Variants in LINGO2 observed in about 807,000 individuals in gnomAD.
The protein encoded by LINGO2 is leucine rich repeat and Ig domain containing 2.
LINGO2 carries 14 observed loss-of-function variants against 30.6 expected under a neutral mutation model. That is an observed-to-expected ratio of 0.46 (90% CI 0.30 to 0.72). The LOEUF is 0.72. Ranked by LOEUF, LINGO2 falls within the 30% of genes least tolerant of loss-of-function variation. LINGO2 has a pLI of 0.07. For missense variants in LINGO2, 729 were observed against 751.7 expected, an observed-to-expected ratio of 0.97 and a Z score of 0.35; for synonymous variants, 317 against 288.5, an observed-to-expected ratio of 1.10 and a Z score of -1.00.
chr9:28,278,353 G>T (rs1823203329), intron 4 of LINGO2, among the ~76,000 whole-genome samples: 1 of 152,174 alleles, frequency 6.6e-6, no homozygotes, highest in Admixed American at 6.5e-5. Context: ...CAATTTAGAT[G>T]AAATGGCCTT....
At chr9:28,312,236 A>G (rs185502587) in intron 3 of LINGO2, among the ~76,000 whole-genome samples, 24 of 151,652 alleles carry the variant, frequency 1.6e-4, no homozygotes, top group African/African-American at 5.1e-4. Context: ...AGAATATTTC[A>G]AATGGCCAGC....
At chr9:28,362,773 A>T (rs1820503360) in intron 3 of LINGO2, among the ~76,000 whole-genome samples, 1 of 152,140 alleles carries the variant, frequency 6.6e-6, no homozygotes, top group Admixed American at 6.6e-5. Context: ...CCGACCCAGA[A>T]AAGTTATTTG....
chr9:28,859,483 T>C, the LINGO2 span, among the ~76,000 whole-genome samples: 1 of 152,212 alleles, frequency 6.6e-6, no homozygotes, highest in Non-Finnish European at 1.5e-5. Flanking sequence ...AGATTCCTCA[T>C]AGACAAAATA....
chr9:28,581,915 T>C (rs2135657377), intron 1 of LINGO2, among the ~76,000 whole-genome samples: 1 of 152,138 alleles, frequency 6.6e-6, no homozygotes, highest in Admixed American at 6.6e-5. Context: ...ATTTTATTTT[T>C]TATTAATGTT....
At chr9:28,278,675 T>A (rs1192064748) in intron 4 of LINGO2, among the ~76,000 whole-genome samples, 1 of 152,204 alleles carries the variant, frequency 6.6e-6, no homozygotes, top group Admixed American at 6.5e-5. Flanking sequence ...AAAATATTAC[T>A]GTTCAGTGGC....
chr9:28,852,941 A>C, the LINGO2 span, among the ~76,000 whole-genome samples: 10 of 152,044 alleles, frequency 6.6e-5, no homozygotes, highest in Admixed American at 5.3e-4. Flanking sequence ...AAATATGTGC[A>C]TAATTACATG....
At chr9:28,187,697 C>T (rs1032339150) in intron 4 of LINGO2, among the ~76,000 whole-genome samples, 11 of 152,084 alleles carry the variant, frequency 7.2e-5, no homozygotes, top group Non-Finnish European at 1.5e-4. Context: ...CAGACATAAA[C>T]ATTTAAACTT....
chr9:28,036,728 T>C (rs1199678910), intron 4 of LINGO2, among the ~76,000 whole-genome samples: 4 of 152,152 alleles, frequency 2.6e-5, no homozygotes, highest in African/African-American at 9.7e-5. Context: ...GCTAGTCAAA[T>C]ATCTAAAATG....
At chr9:28,360,696 T>C (rs1198833648) in intron 3 of LINGO2, among the ~76,000 whole-genome samples, 3 of 152,144 alleles carry the variant, frequency 2.0e-5, no homozygotes. Flanking sequence ...TAATGTTTAA[T>C]TGTATTCCTT....
the LINGO2 span, among the ~76,000 whole-genome samples, chr9:28,864,702 GA>G: frequency 6.6e-5 from 10 of 151,742 alleles, no homozygotes; most frequent in Admixed American, 5.3e-4. Flanking sequence ...CACTGCTCAG[GA>G]ATACCCTACT....
the LINGO2 span, among the ~76,000 whole-genome samples, chr9:29,079,401 T>C: frequency 6.6e-6 from 1 of 151,964 alleles, no homozygotes; most frequent in East Asian, 1.9e-4. Flanking sequence ...AAAAGGCATA[T>C]AGCTTGTCTA....
the LINGO2 span, among the ~76,000 whole-genome samples, chr9:28,914,892 G>A: frequency 6.6e-6 from 1 of 152,310 alleles, no homozygotes; most frequent in African/African-American, 2.4e-5. Flanking sequence ...CAGCACTTTG[G>A]GAGGCCGAGG....
intron 4 of LINGO2, among the ~76,000 whole-genome samples, chr9:28,042,152 T>C (rs1824225125): frequency 6.6e-6 from 1 of 152,208 alleles, no homozygotes. Context: ...TTAGTTCCGA[T>C]GAGTCAGGAT....
At chr9:28,434,666 G>C (rs1468411061) in intron 2 of LINGO2, among the ~76,000 whole-genome samples, 7 of 151,950 alleles carry the variant, frequency 4.6e-5, no homozygotes, top group Non-Finnish European at 7.4e-5. Flanking sequence ...ATGCTCTCAA[G>C]GCCAAATTTT....
chr9:28,039,574 G>C (rs1012524115), intron 4 of LINGO2, among the ~76,000 whole-genome samples: 1 of 152,052 alleles, frequency 6.6e-6, no homozygotes, highest in East Asian at 1.9e-4. Flanking sequence ...TAATTCCATT[G>C]AGTACATGTA....
chr9:28,379,476 T>C (rs1312753544), intron 2 of LINGO2, among the ~76,000 whole-genome samples: 2 of 152,106 alleles, frequency 1.3e-5, no homozygotes, highest in African/African-American at 4.8e-5. Flanking sequence ...TATCTATCTG[T>C]TTCTGTTCAA....
chr9:28,325,196 T>C (rs1185475620), intron 3 of LINGO2, among the ~76,000 whole-genome samples: 1 of 152,166 alleles, frequency 6.6e-6, no homozygotes, highest in East Asian at 1.9e-4. Context: ...TGAATTCTCT[T>C]TCCTTAGGGC....
chr9:28,029,632 TCAGCAATAAC>T (rs1484169920), intron 4 of LINGO2, among the ~76,000 whole-genome samples: 1 of 152,146 alleles, frequency 6.6e-6, no homozygotes, highest in East Asian at 1.9e-4. Flanking sequence ...TGACCTGAAA[TCAGCAATAAC>T]TGATACGTTT....
intron 3 of LINGO2, among the ~76,000 whole-genome samples, chr9:28,323,400 G>A (rs1307773706): frequency 6.6e-6 from 1 of 152,148 alleles, no homozygotes; most frequent in East Asian, 1.9e-4. Context: ...AGGAGTTCTA[G>A]ACCAGCCTGG....
Sources: gnomAD v4.1 joint callset for allele counts (sites outside exome capture counted in the v4.1 genomes callset) on GRCh38, gnomAD v4.1.1 for gene constraint, MANE v1.5 for transcripts, NCBI Gene and HGNC (gene_info 2026-07-23, HGNC 2026-07-21) for gene names.